The following CRISP1 variants were observed in gnomAD, a reference collection of about 807,000 sequenced individuals.
CRISP1 encodes the protein cysteine-rich secretory protein 1.
In CRISP1, 44 loss-of-function variants were observed where a neutral mutation model predicts 33.1. The ratio of observed to expected loss-of-function variants is 1.33; its 90% CI spans 1.05 to 1.71. The LOEUF (loss-of-function observed/expected upper bound fraction) is 1.71. CRISP1 is among the 40% of genes most tolerant of loss of function. CRISP1 has a pLI of 0.00. For synonymous variants in CRISP1, 103 were observed against 98.7 expected (o/e 1.04, Z -0.26); for missense variants, 390 against 301.2 (o/e 1.29, Z -2.18).
chr6:49,871,806 AC>A (rs1202854108), intron 1 of CRISP1, among the ~76,000 whole-genome samples: 1 of 151,990 alleles, frequency 6.6e-6, no homozygotes, highest in African/African-American at 2.4e-5. Flanking sequence ...TCGTTGTTGG[AC>A]ATTTGGGTTG....
intron 2 of CRISP1, among the ~76,000 whole-genome samples, chr6:49,855,489 T>C (rs1582274760): frequency 6.6e-6 from 1 of 151,892 alleles, no homozygotes; most frequent in Non-Finnish European, 1.5e-5. Flanking sequence ...CTTCCTGCCA[T>C]AGAATATTTG....
chr6:49,853,387 G>T (rs1003741754), intron 2 of CRISP1, among the ~76,000 whole-genome samples: 2 of 152,020 alleles, frequency 1.3e-5, no homozygotes, highest in Admixed American at 1.3e-4. Context: ...TTCCTGAAAC[G>T]AATTCATCTT....
rs1199070864 is a variant in CRISP1 at position 49,852,000 on chromosome 6, C to T, written c.195+1G>A. 1.9e-6 allele frequency: 3 copies of T among 1,601,666 alleles called. No homozygotes were observed. The highest frequency in any genetic ancestry group is 3.5e-5 in the Admixed American group (2 of 56,914). On this transcript the variant is annotated splice_donor_variant, in intron 3 of 7. Transcript: ENST00000335847. LOFTEE classifies it high-confidence loss of function. ...TGGTTGTTGCTATTTTTTGATCTTA[C>T]CATCTTCAGCATGTTGCTGGCTGGT... is the stretch of plus-strand genomic sequence containing the variant.
chr6:49,852,672 C>A (rs906359258), intron 2 of CRISP1, among the ~76,000 whole-genome samples: 2 of 152,146 alleles, frequency 1.3e-5, no homozygotes, highest in Non-Finnish European at 2.9e-5. Flanking sequence ...GAGAAAACAT[C>A]AATGCTCTCA....
chr6:49,874,974 G>C (rs1051489312), intron 1 of CRISP1, among the ~76,000 whole-genome samples: 2 of 151,964 alleles, frequency 1.3e-5, no homozygotes, highest in Admixed American at 1.3e-4. Flanking sequence ...GCAAAAGCTG[G>C]AAACATTTTC....
chr6:49,841,070 AT>A (rs879503903), intron 5 of CRISP1, 75 bp from the exon 6 acceptor site: 29 of 1,305,868 alleles, frequency 2.2e-5, no homozygotes, highest in Non-Finnish European at 3.2e-5. Context: ...ATTGTCATCC[AT>A]GATTAAAAGT....
chr6:49,858,838 C>A (rs2127476125), intron 1 of CRISP1, among the ~76,000 whole-genome samples: 1 of 151,954 alleles, frequency 6.6e-6, no homozygotes, highest in East Asian at 1.9e-4. Context: ...AGATAGCTGA[C>A]TAGGCATCTG....
At chr6:49,838,659 T>A in intron 6 of CRISP1, 134 bp from the exon 7 acceptor site, 1 of 617,844 alleles carries the variant, frequency 1.6e-6, no homozygotes, top group Non-Finnish European at 2.8e-6. Flanking sequence ...ATTTTTAAGA[T>A]GGGTGTGAGA....
intron 1 of CRISP1, among the ~76,000 whole-genome samples, chr6:49,858,010 G>A (rs2127475856): frequency 6.6e-6 from 1 of 152,260 alleles, no homozygotes; most frequent in Non-Finnish European, 1.5e-5. Context: ...TAATAAACCT[G>A]TATTTATTTT....
chr6:49,849,034 G>C (rs1026923354), intron 3 of CRISP1, among the ~76,000 whole-genome samples: 6 of 152,138 alleles, frequency 3.9e-5, no homozygotes, highest in Non-Finnish European at 7.4e-5. Context: ...TGGCTTCAGA[G>C]TATGTGTTCT....
intron 2 of CRISP1, among the ~76,000 whole-genome samples, chr6:49,852,709 A>G (rs1771386412): frequency 6.6e-6 from 1 of 152,212 alleles, no homozygotes; most frequent in African/African-American, 2.4e-5. Context: ...AGTAAAACAT[A>G]GAATTCAAAT....
chr6:49,865,441 T>C (rs1771775693), intron 1 of CRISP1, among the ~76,000 whole-genome samples: 2 of 152,210 alleles, frequency 1.3e-5, no homozygotes. Flanking sequence ...ACCAGCTATT[T>C]GATGATTATC....
At chr6:49,852,363 C>A (rs1240177449) in intron 2 of CRISP1, among the ~76,000 whole-genome samples, 2 of 152,070 alleles carry the variant, frequency 1.3e-5, no homozygotes, top group African/African-American at 4.8e-5. Flanking sequence ...CACTTGTTAT[C>A]CTGTTATTAG....
chr6:49,870,455 T>G (rs1034700762), upstream of CRISP1, among the ~76,000 whole-genome samples: 3 of 152,070 alleles, frequency 2.0e-5, no homozygotes, highest in Non-Finnish European at 4.4e-5. Context: ...GTGAGGGAGC[T>G]GTGTGGAAAG....
rs139246565 is a variant in CRISP1 at position 49,837,039 on chromosome 6, C to T, written c.622+1398G>A. 1.1e-3 allele frequency among the ~76,000 whole-genome samples: 160 copies of T among 151,682 alleles called. No homozygotes were observed. The Middle Eastern group carries it at 0.014, about 13-fold the overall frequency. On this transcript the variant is annotated intron_variant, in intron 7 of 7. Transcript: ENST00000335847. Reference sequence around the variant, plus strand: ...TTTGAATCTGTAAAGTGTTGTAATCCGTTGTTTTCTTTTATCTGTTGTTCT... The same window carrying T: ...TTTGAATCTGTAAAGTGTTGTAATCTGTTGTTTTCTTTTATCTGTTGTTCT...
intron 1 of CRISP1, among the ~76,000 whole-genome samples, chr6:49,873,334 T>C (rs1771968264): frequency 6.6e-6 from 1 of 152,108 alleles, no homozygotes; most frequent in Non-Finnish European, 1.5e-5. Context: ...ATTGCAGATC[T>C]CAGGAAATGT....
intron 1 of CRISP1, among the ~76,000 whole-genome samples, chr6:49,865,942 C>A (rs1289027032): frequency 1.3e-5 from 2 of 152,126 alleles, no homozygotes; most frequent in African/African-American, 4.8e-5. Context: ...GCCTTACAGT[C>A]TGTAAAATAA....
At chr6:49,838,205 T>G (rs1561937904) in intron 7 of CRISP1, among the ~76,000 whole-genome samples, 1 of 152,206 alleles carries the variant, frequency 6.6e-6, no homozygotes, top group Non-Finnish European at 1.5e-5. Flanking sequence ...TTTAATCTGT[T>G]GGGTGGGAAC....
chr6:49,838,575 A>T, intron 6 of CRISP1, 50 bp from the exon 7 acceptor site: 1 of 1,430,036 alleles, frequency 7.0e-7, no homozygotes, highest in Non-Finnish European at 9.8e-7. Flanking sequence ...AAAAACTCAC[A>T]TAAAACTTTA....
Sources: gnomAD v4.1 joint callset for allele counts (sites outside exome capture counted in the v4.1 genomes callset) on GRCh38, gnomAD v4.1.1 for gene constraint, MANE v1.5 for transcripts, NCBI Gene and HGNC (gene_info 2026-07-23, HGNC 2026-07-21) for gene names.